Variants in SUPT20H observed in about 807,000 individuals in gnomAD.
SUPT20H encodes transcription factor SPT20 homolog.
SUPT20H carries 82 observed loss-of-function variants against 122.8 expected under a neutral mutation model. That is an observed-to-expected ratio of 0.67 (90% CI 0.56 to 0.80). SUPT20H has a LOEUF of 0.80. Among genes scored for constraint, SUPT20H ranks in the 30% least tolerant of loss-of-function variants. The probability of loss-of-function intolerance (pLI) is 0.00; values close to 1 mark genes in which losing one functional copy is unlikely to be tolerated. For synonymous variants in SUPT20H, 291 were observed against 313.0 expected (o/e 0.93, Z 0.74); for missense variants, 831 against 921.6 (o/e 0.90, Z 1.27).
chr13:37,009,410 T>C lies in SUPT20H; in HGVS notation c.*262A>G. The C allele has an allele frequency of 1.3e-6, 1 of 767,074 alleles. No individual in the cohort carries two copies. The highest frequency in any genetic ancestry group is 2.7e-5 in the East Asian group (1 of 37,344). 47.5% of individuals were successfully genotyped at this position (767,074 alleles called of 1,614,324 possible). A position where few individuals can be genotyped will look rare whatever the true frequency, so the allele number is the denominator to read the frequency against. ...ACTACATTCTTCTGAAAGATGTTTC[T>C]ATTATTTCTTAGGTCACTTCCATAT... On this transcript the variant is annotated 3_prime_UTR_variant, in exon 26 of 26. Coordinates refer to ENST00000350612, the MANE Select transcript of SUPT20H (RefSeq NM_001014286.3).
rs370974587 is a variant in SUPT20H, at chr13:37,009,802, C to T, written c.2210G>A (p.Arg737Gln). ...CATAGCCATTTGATGCTGCAAGAAT[C>T]GCAACTGCTGCAAAAGGGAGGGAAA... ...QQQQQQIQQLRFLQHQMAMAA... is the reference protein window; with the variant it reads ...QQQQQQIQQLQFLQHQMAMAA... Residue 737 changes from arginine (R) to glutamine (Q), a missense_variant, in exon 26 of 26, where the codon CGA becomes CAA. Transcript: ENST00000350612. 16 of 1,610,266 alleles carry T rather than the reference C, an allele frequency of 9.9e-6. No homozygotes were observed. The highest frequency in any genetic ancestry group is 2.2e-5 in the East Asian group (1 of 44,822).
chr13:37,022,071 G>A lies in SUPT20H; in HGVS notation c.1601C>T (p.Ala534Val). Residue 534 changes from alanine to valine, a missense_variant, in exon 20 of 26, where the codon GCC becomes GTC. Physicochemically the swap from Ala to Val is moderately conservative, Grantham distance 64 (BLOSUM62 0). Transcript: ENST00000350612. The surrounding 1 kb of genome is among the most constrained non-coding windows in gnomAD (Gnocchi z 4.5). The part of the protein sequence containing the change: ...SPASSSQRTT[A>V]TQVMANSAGL... ...AGCAGAGTTTGCCATGACCTGGGTG[G>A]CCGTGGTTCCTGGAGTTATAGATGT... The A allele has an allele frequency of 1.9e-6, 3 of 1,613,970 alleles. No homozygotes were observed. The highest frequency in any genetic ancestry group is 2.5e-6 in the Non-Finnish European group (3 of 1,179,900).
chr13:37,041,177 C>T (rs896114197), intron 7 of SUPT20H, among the ~76,000 whole-genome samples: 24 of 152,132 alleles, frequency 1.6e-4, no homozygotes, highest in African/African-American at 4.8e-4. Context: ...TAATTTTGCC[C>T]TTAGCCTTTA....
intron 2 of SUPT20H, among the ~76,000 whole-genome samples, chr13:37,049,072 C>T (rs1305877864): frequency 6.6e-6 from 1 of 152,122 alleles, no homozygotes; most frequent in East Asian, 1.9e-4. Flanking sequence ...CCTACAACAT[C>T]TCTAGCTCAG....
At position 37,009,601 on chromosome 13, in the gene SUPT20H, A is replaced by G. The variant is rs774070601; in HGVS notation, c.*71T>C. ...ATACTGACACATTAAAAAAAACAAA[A>G]AGTAGAAACTCAATTCTTTTGATTC... On this transcript the variant is annotated 3_prime_UTR_variant, in exon 26 of 26. Coordinates refer to ENST00000350612, the MANE Select transcript of SUPT20H (RefSeq NM_001014286.3). 81 of 1,586,380 alleles carry G rather than the reference A, an allele frequency of 5.1e-5. No homozygotes were observed. The highest frequency in any genetic ancestry group is 6.8e-5 in the Non-Finnish European group (79 of 1,156,310).
chr13:37,024,947 C>T, intron 17 of SUPT20H: 1 of 172,780 alleles, frequency 5.8e-6, no homozygotes, highest in Non-Finnish European at 1.2e-5. Flanking sequence ...AAAAATGATT[C>T]TTTTTTTTTT....
chr13:37,021,650 A>C (rs761896125), intron 20 of SUPT20H, 48 bp from the exon 21 acceptor site: 3 of 1,544,652 alleles, frequency 1.9e-6, no homozygotes, highest in Non-Finnish European at 1.8e-6. Flanking sequence ...AAAAGGAAAA[A>C]ATCAGCCACA....
At chr13:37,046,088 T>A (rs1199981) in intron 5 of SUPT20H, among the ~76,000 whole-genome samples, 140,420 of 152,132 alleles carry the variant, frequency 0.92, 64,889 homozygotes, top group East Asian at 1. Flanking sequence ...ATCTCAAAAA[T>A]CAAAGTGTTT....
intron 9 of SUPT20H, among the ~76,000 whole-genome samples, chr13:37,037,808 C>T (rs2064767917): frequency 1.3e-5 from 2 of 152,230 alleles, no homozygotes; most frequent in East Asian, 1.9e-4. Flanking sequence ...TATTATTTTG[C>T]TTAACCTCTG....
intron 1 of SUPT20H, 168 bp from the exon 2 acceptor site, chr13:37,051,751 A>G (rs931050620): frequency 1.1e-5 from 4 of 364,324 alleles, no homozygotes; most frequent in African/African-American, 2.1e-5. Context: ...CATGTACCAC[A>G]ACCTATCCAC....
At position 37,022,973 on chromosome 13, in the gene SUPT20H, AAAAC is replaced by A; in HGVS notation, c.1592-897_1592-894del. On this transcript the variant is annotated intron_variant, in intron 19 of 25. Coordinates refer to ENST00000350612, the MANE Select transcript of SUPT20H (RefSeq NM_001014286.3). The surrounding 1 kb of genome is among the most constrained non-coding windows in gnomAD (Gnocchi z 4.5). ...CAGTTTATCAATTTTTTAAAAAACA[AAAAC>A]AAAAAACAAAAACCAAAAAAGTAAA... The A allele has an allele frequency of 8.0e-7, 1 of 1,254,252 alleles. No homozygotes were observed. Among genetic ancestry groups the A allele is most frequent in the Non-Finnish European group, 1.0e-6 (1 of 974,102 alleles). The allele number at this position is 1,254,252 out of a possible 1,614,324, so 77.7% of individuals were successfully genotyped here.
Position 37,040,632 on chromosome 13 carries a change from T to C in SUPT20H, c.457A>G (p.Asn153Asp), listed in dbSNP as rs1371795666. 2.5e-6 allele frequency: 4 copies of C among 1,614,048 alleles called. No homozygotes were observed. Among genetic ancestry groups the C allele is most frequent in the African/African-American group, 1.3e-5 (1 of 74,944 alleles). ...AEIRDYRQSS[N>D]MKSPGYQSRH... ...CTTTGGTAACCAGGAGATTTCATGT[T>C]ACTGGACTGCCTGTAGTCACGTATT... Residue 153 changes from asparagine (N) to aspartate (D), a missense_variant, in exon 8 of 26, where the codon AAC (asparagine) becomes GAC (aspartate). By Grantham distance (23) the Asn-to-Asp change is conservative (BLOSUM62 1). Transcript: ENST00000350612.
At chr13:37,014,118 G>A (rs570947083) in intron 23 of SUPT20H, among the ~76,000 whole-genome samples, 17 of 151,998 alleles carry the variant, frequency 1.1e-4, no homozygotes, top group South Asian at 8.3e-4. Flanking sequence ...GAAAAAAGAC[G>A]TACTAAGCTA....
chr13:37,052,974 A>G (rs2068075189), intron 1 of SUPT20H, among the ~76,000 whole-genome samples: 1 of 152,250 alleles, frequency 6.6e-6, no homozygotes, highest in African/African-American at 2.4e-5. Flanking sequence ...ACAATGAAAT[A>G]CCATCTCACA....
chr13:37,049,405 T>C (rs2067169722), intron 2 of SUPT20H, among the ~76,000 whole-genome samples: 2 of 152,280 alleles, frequency 1.3e-5, no homozygotes, highest in South Asian at 2.1e-4. Flanking sequence ...AAAGCCATCA[T>C]TTCTAAAGAC....
intron 10 of SUPT20H, 36 bp from the exon 11 acceptor site, chr13:37,031,931 A>C: frequency 6.5e-7 from 1 of 1,536,558 alleles, no homozygotes. Context: ...AACGGCACTA[A>C]TAAAAGAAAC....
intron 1 of SUPT20H, 88 bp from the exon 2 acceptor site, chr13:37,051,671 G>C: frequency 2.2e-6 from 1 of 463,800 alleles, no homozygotes; most frequent in Non-Finnish European, 3.9e-6. Context: ...AATTAACAAG[G>C]AAAATTACTT....
At chr13:37,057,660 TG>T (rs1481888665) in intron 1 of SUPT20H, among the ~76,000 whole-genome samples, 1 of 150,584 alleles carries the variant, frequency 6.6e-6, no homozygotes, top group Non-Finnish European at 1.5e-5. Context: ...CTGAGCAACA[TG>T]GGGAAAGTGT....
intron 1 of SUPT20H, among the ~76,000 whole-genome samples, chr13:37,052,390 C>A (rs2067936274): frequency 6.6e-6 from 1 of 152,172 alleles, no homozygotes. Flanking sequence ...ACCATCTAAT[C>A]TTTGACAAAC....
Sources: allele counts gnomAD v4.1 joint callset (sites outside exome capture counted in the v4.1 genomes callset), GRCh38; gene constraint gnomAD v4.1.1; non-coding constraint Gnocchi (gnomAD v3.1); transcripts MANE v1.5; gene names NCBI Gene and HGNC (gene_info 2026-07-23, HGNC 2026-07-21).